SIM1: variants seen among roughly 807,000 people sequenced by gnomAD.
SIM1 encodes SIM bHLH transcription factor 1.
SIM1 carries 18 observed loss-of-function variants against 78.2 expected under a neutral mutation model. That is an observed-to-expected ratio of 0.23 (90% CI 0.16 to 0.34). The LOEUF (loss-of-function observed/expected upper bound fraction) is 0.34. Ranked by LOEUF, SIM1 falls within the 10% of genes least tolerant of loss-of-function variation. The pLI is 1.00. For synonymous variants in SIM1, 417 were observed against 385.2 expected (o/e 1.08, Z -0.97); for missense variants, 939 against 975.1 (o/e 0.96, Z 0.49).
At chr6:100,447,005 A>T (rs1322627507) in intron 9 of SIM1, among the ~76,000 whole-genome samples, 1 of 152,350 alleles carries the variant, frequency 6.6e-6, no homozygotes, top group Admixed American at 6.5e-5. Flanking sequence ...TTAAAAGGTT[A>T]AGAGAGAAAA....
At chr6:100,448,121 G>A in intron 8 of SIM1, 25 bp downstream of exon 8, 1 of 1,585,910 alleles carries the variant, frequency 6.3e-7, no homozygotes, top group African/African-American at 1.3e-5. Context: ...AGGTTGCTAG[G>A]GTACGGGGCA....
Position 100,404,544 on chromosome 6 carries a change from C to CT in SIM1, c.1168-10656dup, listed in dbSNP as rs892759329. ...ATGCATGCTTTTAAATCACTTTTAT[C>CT]TTTTTTTTTTTACTAATGTAACCCT... is the stretch of plus-strand genomic sequence containing the variant. On this transcript the variant is annotated intron_variant, in intron 10 of 11. Transcript: ENST00000369208. Among the ~76,000 whole-genome samples the CT allele has an allele frequency of 4.7e-3, 691 of 146,484 alleles. 5 individuals carry two copies. The highest frequency in any genetic ancestry group is 0.016 in the African/African-American group (625 of 40,140).
intron 9 of SIM1, among the ~76,000 whole-genome samples, chr6:100,427,653 T>C (rs992960795): frequency 2.0e-5 from 3 of 152,204 alleles, no homozygotes; most frequent in African/African-American, 7.2e-5. Flanking sequence ...TGTAATACCT[T>C]CACACCAACC....
rs141603696 is a variant in SIM1 at position 100,450,333 on chromosome 6, C to T, written c.282G>A (p.Val94=). Residue 94 remains valine (V), a synonymous_variant, in exon 4 of 12, where the codon GTG becomes GTA. Coordinates refer to ENST00000369208, the MANE Select transcript of SIM1 (RefSeq NM_005068.3). ...ACATGATCTTCCCATCTGGGGCTAC[C>T]ACGAAGATGAAGCCATCCAGGGTCT... ...LLQTLDGFIF[V]VAPDGKIMYI... The T allele has an allele frequency of 7.4e-5, 119 of 1,613,940 alleles. 1 individual carries two copies. In the African/African-American group the frequency reaches 1.4e-3, roughly 19 times the overall value.
chr6:100,401,500 G>A (rs1770914344), intron 10 of SIM1, among the ~76,000 whole-genome samples: 1 of 151,836 alleles, frequency 6.6e-6, no homozygotes, highest in African/African-American at 2.4e-5. Context: ...CTTGTCCTTA[G>A]GAAATACACA....
At chr6:100,426,857 T>C (rs1035699361) in intron 9 of SIM1, among the ~76,000 whole-genome samples, 1 of 152,220 alleles carries the variant, frequency 6.6e-6, no homozygotes, top group African/African-American at 2.4e-5. Flanking sequence ...TTATGTCATG[T>C]GGCAATTCTT....
intron 11 of SIM1, among the ~76,000 whole-genome samples, chr6:100,392,205 T>C (rs890671336): frequency 5.3e-5 from 8 of 152,154 alleles, no homozygotes; most frequent in African/African-American, 1.7e-4. Flanking sequence ...ATATTTATAA[T>C]TTTAATAACA....
rs560620393 is a variant in SIM1 at position 100,456,217 on chromosome 6, G to A, written c.176-2373C>T. ...TCTAATATCGAAGGAACCTCCCCAA[G>A]TCCTAGTAAGGGGTCCCCCCTCCCT... On this transcript the variant is annotated intron_variant, in intron 2 of 11. Transcript: ENST00000369208. Among the ~76,000 whole-genome samples, 4 of 152,300 alleles carry A rather than the reference G, an allele frequency of 2.6e-5. No individual in the cohort carries two copies. In the East Asian group the frequency reaches 7.7e-4, roughly 29 times the overall value.
rs1202599909 is a variant in SIM1 at position 100,448,271 on chromosome 6, G to C, written c.744-19C>G. 6.3e-7 allele frequency: 1 copy of C among 1,596,192 alleles called. No individual in the cohort carries two copies. Among genetic ancestry groups the C allele is most frequent in the Non-Finnish European group, 8.6e-7 (1 of 1,167,180 alleles). On this transcript the variant is annotated intron_variant, in intron 7 of 11. Transcript: ENST00000369208. ...CGCCACCCTGAGGAGAGCAATCCCT[G>C]CAGGATGAATGCAGGCGCGGGTGCA...
chr6:100,427,919 A>G (rs76669912), intron 9 of SIM1, among the ~76,000 whole-genome samples: 2,157 of 152,328 alleles, frequency 0.014, 21 homozygotes, highest in Non-Finnish European at 0.022. Context: ...AGTATCTCAC[A>G]TAGAACAGAT....
Position 100,390,878 on chromosome 6 carries a change from A to G in SIM1, c.1784T>C (p.Ile595Thr). 1 of 1,614,158 alleles carries G rather than the reference A, an allele frequency of 6.2e-7. No homozygotes were observed. The highest frequency in any genetic ancestry group is 8.5e-7 in the Non-Finnish European group (1 of 1,180,018). Residue 595 changes from isoleucine to threonine, a missense_variant, in exon 12 of 12, where the codon ATT becomes ACT. This residue lies in a region of SIM1 where 556 missense variants were observed against 521.9 expected (regional missense o/e 1.07). Transcript: ENST00000369208. The part of the protein sequence containing the change: ...RKAPSDQLAS[I>T]NGAGKKHSLC... ...GGAGTGTTTTTTCCCAGCCCCATTA[A>G]TGGAAGCCAGTTGGTCTGAGGGGGC...
chr6:100,463,117 A>G, intron 2 of SIM1, 177 bp downstream of exon 2: 1 of 546,108 alleles, frequency 1.8e-6, no homozygotes, highest in South Asian at 3.1e-5. Context: ...GCCTCAAAAA[A>G]GCGACAGAAA....
At chr6:100,453,721 C>A in intron 3 of SIM1, 41 bp downstream of exon 3, 1 of 1,463,266 alleles carries the variant, frequency 6.8e-7, no homozygotes, top group Non-Finnish European at 9.4e-7. Context: ...GGCACTCAGA[C>A]CCTCAAAGCT....
intron 10 of SIM1, among the ~76,000 whole-genome samples, chr6:100,413,371 A>G (rs1002967872): frequency 3.3e-5 from 5 of 152,064 alleles, no homozygotes; most frequent in African/African-American, 1.2e-4. Flanking sequence ...AACATCTCCT[A>G]TCCTCATGAA....
chr6:100,464,315 CT>C (rs1172872520), intron 1 of SIM1, among the ~76,000 whole-genome samples: 1 of 152,200 alleles, frequency 6.6e-6, no homozygotes, highest in Non-Finnish European at 1.5e-5. Flanking sequence ...TTTCAGCTCC[CT>C]ACCTTGGCAG....
chr6:100,448,335 A>G, intron 7 of SIM1, 83 bp from the exon 8 acceptor site: 1 of 1,365,796 alleles, frequency 7.3e-7, no homozygotes, highest in Middle Eastern at 2.0e-4. Context: ...GCCGTCTGAC[A>G]CCTAGCTGTC....
intron 9 of SIM1, among the ~76,000 whole-genome samples, chr6:100,438,463 A>G (rs577719044): frequency 6.6e-6 from 1 of 152,328 alleles, no homozygotes; most frequent in East Asian, 1.9e-4. Context: ...AAAAAGCAAT[A>G]GATATTGGTG....
rs1341162013 is a variant in SIM1, at chr6:100,448,259, A to G, written c.744-7T>C. The G allele has an allele frequency of 6.2e-7, 1 of 1,608,198 alleles. No individual in the cohort carries two copies. The highest frequency in any genetic ancestry group is 8.5e-7 in the Non-Finnish European group (1 of 1,176,466). On this transcript the variant is annotated splice_polypyrimidine_tract_variant and splice_region_variant and intron_variant, in intron 7 of 11. Coordinates refer to ENST00000369208, the MANE Select transcript of SIM1 (RefSeq NM_005068.3). ...CCCCGTCAGCTCCGCCACCCTGAGG[A>G]GAGCAATCCCTGCAGGATGAATGCA...
intron 9 of SIM1, among the ~76,000 whole-genome samples, chr6:100,438,657 C>G (rs770155931): frequency 2.0e-5 from 3 of 152,194 alleles, no homozygotes; most frequent in Non-Finnish European, 4.4e-5. Context: ...AAGACACATG[C>G]ACATGCATGT....
Sources: gnomAD v4.1 joint callset for allele counts (sites outside exome capture counted in the v4.1 genomes callset) on GRCh38, gnomAD v4.1.1 for gene constraint, gnomAD v4.1.1 regional missense constraint, MANE v1.5 for transcripts, NCBI Gene and HGNC (gene_info 2026-07-23, HGNC 2026-07-21) for gene names.